The following PRELID2 variants were observed in gnomAD, a reference collection of about 807,000 sequenced individuals.
The protein encoded by PRELID2 is PRELI domain-containing protein 2.
In PRELID2, 25 loss-of-function variants were observed where a neutral mutation model predicts 28.4. The observed-to-expected ratio is 0.88, with a 90% CI of 0.64 to 1.23. The LOEUF is 1.23. PRELID2 is among the 50% of genes most tolerant of loss of function. PRELID2 has a pLI of 0.00. For synonymous variants in PRELID2, 76 were observed against 71.6 expected (o/e 1.06, Z -0.31); for missense variants, 201 against 214.4 (o/e 0.94, Z 0.39).
intron 1 of PRELID2, among the ~76,000 whole-genome samples, chr5:145,649,359 C>T (rs1019030197): frequency 6.6e-6 from 1 of 152,156 alleles, no homozygotes; most frequent in East Asian, 1.9e-4. Flanking sequence ...AATTACATTA[C>T]ATATTTAATA....
At chr5:145,688,781 G>C (rs756884461) in intron 1 of PRELID2, among the ~76,000 whole-genome samples, 10 of 152,190 alleles carry the variant, frequency 6.6e-5, no homozygotes, top group Non-Finnish European at 1.2e-4. Context: ...ATAAAATCAG[G>C]CAGGAGGCAA....
intron 5 of PRELID2, among the ~76,000 whole-genome samples, chr5:145,782,872 T>A (rs181331775): frequency 1.1e-3 from 166 of 152,278 alleles, no homozygotes; most frequent in African/African-American, 1.7e-3. Flanking sequence ...GAATTTTTTT[T>A]AAAAAGTCAT....
chr5:145,487,005 A>G (rs1209298524), intron 1 of PRELID2, among the ~76,000 whole-genome samples: 1 of 144,458 alleles, frequency 6.9e-6, no homozygotes, highest in African/African-American at 2.6e-5. Context: ...AAAACCAAAC[A>G]CCGCATATTC....
chr5:145,348,010 C>T, the PRELID2 span, among the ~76,000 whole-genome samples: 4 of 152,176 alleles, frequency 2.6e-5, no homozygotes, highest in South Asian at 8.3e-4. Flanking sequence ...AGAACCTGAA[C>T]AAGCAGGCAG....
chr5:145,319,548 G>A, the PRELID2 span, among the ~76,000 whole-genome samples: 1 of 152,014 alleles, frequency 6.6e-6, no homozygotes, highest in South Asian at 2.1e-4. Context: ...ATGGGCGCCT[G>A]TAGTCCCAGC....
At chr5:145,638,396 C>T (rs1273743263) in intron 1 of PRELID2, among the ~76,000 whole-genome samples, 1 of 149,834 alleles carries the variant, frequency 6.7e-6, no homozygotes, top group Admixed American at 6.6e-5. Context: ...CCCCTTCCCC[C>T]ACACACACAG....
At chr5:145,471,076 G>A (rs1014262124), downstream of PRELID2, among the ~76,000 whole-genome samples, 4 of 152,080 alleles carry the variant, frequency 2.6e-5, no homozygotes, top group Non-Finnish European at 2.9e-5. Context: ...TGCCAGCTCA[G>A]ACTTACATGC....
At chr5:145,413,673 G>C in the PRELID2 span, among the ~76,000 whole-genome samples, 7 of 150,120 alleles carry the variant, frequency 4.7e-5, no homozygotes, top group East Asian at 1.4e-3. Flanking sequence ...TATGTCAATA[G>C]ATGGGGAAAC....
the PRELID2 span, among the ~76,000 whole-genome samples, chr5:145,463,857 G>A: frequency 2.6e-5 from 4 of 152,248 alleles, no homozygotes; most frequent in South Asian, 2.1e-4. Flanking sequence ...CAGTGATGAC[G>A]TAATACTCTA....
At chr5:145,557,683 G>A (rs943127449) in intron 1 of PRELID2, among the ~76,000 whole-genome samples, 3 of 152,164 alleles carry the variant, frequency 2.0e-5, no homozygotes, top group African/African-American at 7.2e-5. Context: ...CTGTCTAAAT[G>A]CTTGAAGGCA....
intron 5 of PRELID2, among the ~76,000 whole-genome samples, chr5:145,765,848 A>G (rs1757719755): frequency 6.6e-6 from 1 of 152,184 alleles, no homozygotes; most frequent in Non-Finnish European, 1.5e-5. Context: ...CCCACATTTT[A>G]CTGACGAGGA....
At chr5:145,763,677 G>A (rs1757586703) in intron 6 of PRELID2, among the ~76,000 whole-genome samples, 1 of 152,182 alleles carries the variant, frequency 6.6e-6, no homozygotes, top group South Asian at 2.1e-4. Flanking sequence ...GCTTACACAA[G>A]ACTATGTGTC....
At chr5:145,790,721 G>GTGTGTGTGTGTATA (rs772901344) in intron 5 of PRELID2, among the ~76,000 whole-genome samples, 37,681 of 110,382 alleles carry the variant, frequency 0.34, 7,835 homozygotes, top group Middle Eastern at 0.49. Flanking sequence ...GTGTGTGTGT[G>GTGTGTGTGTGTATA]TATATATATA....
intron 1 of PRELID2, among the ~76,000 whole-genome samples, chr5:145,749,282 C>A (rs1757071174): frequency 2.6e-5 from 4 of 152,010 alleles, no homozygotes; most frequent in Admixed American, 1.3e-4. Context: ...AAGAAAAAAA[C>A]AACCCCATCA....
intron 1 of PRELID2, among the ~76,000 whole-genome samples, chr5:145,711,694 A>G (rs533265980): frequency 6.7e-6 from 1 of 149,874 alleles, no homozygotes; most frequent in East Asian, 2.0e-4. Context: ...AATCCCTCCA[A>G]TGCACTCCAG....
chr5:145,730,871 C>T (rs964609622), intron 1 of PRELID2, among the ~76,000 whole-genome samples: 1 of 152,098 alleles, frequency 6.6e-6, no homozygotes, highest in African/African-American at 2.4e-5. Flanking sequence ...TGACATCCCT[C>T]TGGCCGGAAA....
chr5:145,747,670 C>A (rs1358580848), intron 1 of PRELID2, among the ~76,000 whole-genome samples: 1 of 80,898 alleles, frequency 1.2e-5, no homozygotes, highest in Non-Finnish European at 2.8e-5. Context: ...AAGCCAGCAT[C>A]ATCCTGATAC....
intron 1 of PRELID2, among the ~76,000 whole-genome samples, chr5:145,541,574 G>C (rs138616338): frequency 3.3e-5 from 5 of 152,116 alleles, no homozygotes; most frequent in African/African-American, 1.2e-4. Flanking sequence ...TCAGGGTGTA[G>C]ACTGTTGTAT....
the PRELID2 span, chr5:145,229,356 G>A: frequency 1.3e-3 from 967 of 741,122 alleles, 8 homozygotes; most frequent in African/African-American, 0.014. Context: ...AACCTGTGGA[G>A]CATCGACAAG....
Sources: gnomAD v4.1 joint callset for allele counts (sites outside exome capture counted in the v4.1 genomes callset) on GRCh38, gnomAD v4.1.1 for gene constraint, MANE v1.5 for transcripts, NCBI Gene and HGNC (gene_info 2026-07-23, HGNC 2026-07-21) for gene names.